LILRB2: variants seen among roughly 807,000 people sequenced by gnomAD.
The protein encoded by LILRB2 is leukocyte immunoglobulin-like receptor subfamily B member 2.
A neutral mutation model predicts 72.7 loss-of-function variants in LILRB2; 47 were observed. That is an observed-to-expected ratio of 0.65 (90% CI 0.51 to 0.82). The LOEUF (loss-of-function observed/expected upper bound fraction) is 0.82, where lower values mean the gene tolerates loss of function less well. Among genes scored for constraint, LILRB2 ranks in the 40% least tolerant of loss-of-function variants. The pLI is 0.00. For missense variants in LILRB2, 767 were observed against 764.8 expected, an observed-to-expected ratio of 1.00 and a Z score of -0.03; for synonymous variants, 279 against 313.7, an observed-to-expected ratio of 0.89 and a Z score of 1.17.
chr19:54,276,637 A>G, intron 10 of LILRB2, 170 bp downstream of exon 10: 4 of 1,435,864 alleles, frequency 2.8e-6, no homozygotes, highest in Non-Finnish European at 2.8e-6. Context: ...AGCCCGGAGG[A>G]CACTTTATAT....
In LILRB2 at chr19:54,279,660, G is replaced by T. The variant is rs374446910; in HGVS notation, c.356-13C>A. ...TTTGGGTAGGCTCCTAGGAGAGAAG[G>T]AGGCATCGTGTTAAATGGGGCTCCC... On this transcript the variant is annotated splice_polypyrimidine_tract_variant and intron_variant, in intron 4 of 13. Coordinates refer to ENST00000314446, the MANE Select transcript of LILRB2 (RefSeq NM_001080978.4). 18 of 1,602,170 alleles carry T rather than the reference G, an allele frequency of 1.1e-5. No homozygotes were observed. In the African/African-American group the frequency reaches 1.5e-4, roughly 13 times the overall value.
intron 12 of LILRB2, 90 bp downstream of exon 12, chr19:54,276,174 C>T (rs1367761876): frequency 1.9e-6 from 3 of 1,597,206 alleles, no homozygotes; most frequent in African/African-American, 1.3e-5. Context: ...AGCCCCAGAC[C>T]CTTTCCAGCC....
intron 12 of LILRB2, 27 bp downstream of exon 12, chr19:54,276,237 G>A (rs2080215991): frequency 1.2e-6 from 2 of 1,613,828 alleles, no homozygotes; most frequent in Admixed American, 1.7e-5. Context: ...TCTCCCTCCT[G>A]GCTGGTCACC....
intron 13 of LILRB2, chr19:54,275,179 A>C: frequency 7.0e-7 from 1 of 1,436,040 alleles, no homozygotes; most frequent in Non-Finnish European, 9.5e-7. Context: ...ATGGAATCTC[A>C]GGGACGCCCT....
chr19:54,279,172 T>A, intron 5 of LILRB2, 64 bp from the exon 6 acceptor site: 1 of 1,572,424 alleles, frequency 6.4e-7, no homozygotes, highest in Non-Finnish European at 8.6e-7. Context: ...ACCCTCCCTC[T>A]CCCCCGGTGC....
intron 7 of LILRB2, 88 bp downstream of exon 7, chr19:54,278,172 C>T: frequency 1.3e-6 from 2 of 1,549,302 alleles, no homozygotes; most frequent in South Asian, 2.4e-5. Flanking sequence ...CAGACCCCCG[C>T]TCACTCCATC....
At position 54,278,255 on chromosome 19, in the gene LILRB2, C is replaced by T; in HGVS notation, c.1258+5G>A. On this transcript the variant is annotated splice_donor_5th_base_variant and intron_variant, in intron 7 of 13. Coordinates refer to ENST00000314446, the MANE Select transcript of LILRB2 (RefSeq NM_001080978.4). ...GCTCAGAGAGGACAGGGTCAAGGCC[C>T]CCACCTGAGACCACGAGCTCCAGGG... 2 of 1,614,128 alleles carry T rather than the reference C, an allele frequency of 1.2e-6. No homozygotes were observed. Among genetic ancestry groups the T allele is most frequent in the Non-Finnish European group, 1.7e-6 (2 of 1,179,992 alleles).
Position 54,274,480 on chromosome 19 carries a change from G to T in LILRB2, c.*203C>A. ...TAACTCATTGATTATTGAGAAGTCT[G>T]TTGCTTTAATTAAAAAATGTAGGGA... On this transcript the variant is annotated 3_prime_UTR_variant, in exon 14 of 14. Coordinates refer to ENST00000314446, the MANE Select transcript of LILRB2 (RefSeq NM_001080978.4). 1 of 955,144 alleles carries T rather than the reference G, an allele frequency of 1.0e-6. No homozygotes were observed. Among genetic ancestry groups the T allele is most frequent in the Non-Finnish European group, 1.5e-6 (1 of 660,842 alleles). The allele number at this position is 955,144 out of a possible 1,614,324, so 59.2% of individuals were successfully genotyped here. A position where few individuals can be genotyped will look rare whatever the true frequency, so the allele number is the denominator to read the frequency against.
At position 54,280,498 on chromosome 19, in the gene LILRB2, G is replaced by T; in HGVS notation, c.-2C>A. ...CAGGACTGTGACGATGGGGGTCATG[G>T]CGTCTCCTCCCACTGCCCTGCTCTG... On this transcript the variant is annotated 5_prime_UTR_variant, in exon 2 of 14. Transcript: ENST00000314446. 4.3e-6 allele frequency: 7 copies of T among 1,613,858 alleles called. No individual in the cohort carries two copies. Among genetic ancestry groups the T allele is most frequent in the Non-Finnish European group, 4.2e-6 (5 of 1,179,938 alleles).
rs1171951890 is a variant in LILRB2 at position 54,276,930 on chromosome 19, C to G, written c.1358-1G>C. On this transcript the variant is annotated splice_acceptor_variant, in intron 9 of 13. Transcript: ENST00000314446. LOFTEE classifies it high-confidence loss of function. ...ACAACCCCCAGGTGCCTTCCCAGAC[C>G]TTGAGCACGATGATGTCAGGGATGG... 6.2e-7 allele frequency: 1 copy of G among 1,613,380 alleles called. No homozygotes were observed.
rs778306098 is a variant in LILRB2, at chr19:54,278,522, G to A, written c.996C>T (p.Gly332=). The change falls in exon 7 of 14, where the codon GGC becomes GGT. Residue 332 remains glycine (G), a synonymous_variant. Transcript: ENST00000314446. The part of the protein sequence containing the change: ...RGTPFISVQP[G]PTVASGENVT... ...CGTTCTCTCCTGAGGCCACTGTGGG[G>A]CCTGGCTGCACTGAGATGAAGGGTG... 1.2e-6 allele frequency: 2 copies of A among 1,614,132 alleles called. No individual in the cohort carries two copies. Among genetic ancestry groups the A allele is most frequent in the African/African-American group, 1.3e-5 (1 of 74,948 alleles).
chr19:54,277,994 C>T (rs1328141731), intron 7 of LILRB2, 55 bp from the exon 8 acceptor site: 1 of 1,352,352 alleles, frequency 7.4e-7, no homozygotes, highest in Non-Finnish European at 9.9e-7. Context: ...GAAGTCTCCA[C>T]CTCAAACCAA....
intron 7 of LILRB2, 135 bp downstream of exon 7, chr19:54,278,125 C>T (rs1314173524): frequency 7.7e-7 from 1 of 1,295,196 alleles, no homozygotes; most frequent in African/African-American, 1.5e-5. Context: ...GTCCTCCTTC[C>T]CTCTGAGGGT....
chr19:54,279,079 G>T lies in LILRB2; in HGVS notation c.688C>A (p.Gln230Lys). ...CCAGGGGCCATGACAGGACCCGGCT[G>T]CACTGAGAGTGATGGCTTCTTAGAA... is the stretch of plus-strand genomic sequence containing the variant. ...GVSKKPSLSVQPGPVMAPGES... is the reference protein window; with the variant it reads ...GVSKKPSLSVKPGPVMAPGES... Residue 230 changes from glutamine (Q) to lysine (K), a missense_variant, in exon 6 of 14, where the codon CAG becomes AAG. Coordinates refer to ENST00000314446, the MANE Select transcript of LILRB2 (RefSeq NM_001080978.4). 1 of 1,614,042 alleles carries T rather than the reference G, an allele frequency of 6.2e-7. No homozygotes were observed. The highest frequency in any genetic ancestry group is 8.5e-7 in the Non-Finnish European group (1 of 1,179,900).
rs366337 is a variant in LILRB2, at chr19:54,280,068, G to T, written c.78C>A (p.Ile26=). 1.2e-6 allele frequency: 2 copies of T among 1,613,818 alleles called. No individual in the cohort carries two copies. The highest frequency in any genetic ancestry group is 2.2e-5 in the South Asian group (2 of 91,082). Residue 26 remains isoleucine (I), a synonymous_variant, in exon 4 of 14, where the codon ATC becomes ATA. Transcript: ENST00000314446. The part of the protein sequence containing the change: ...GPRTRVQTGT[I]PKPTLWAEPD... The stretch of plus-strand genomic sequence containing the variant: ...GCTCAGCCCACAGGGTGGGCTTGGG[G>T]ATGGTCCCTGGAAGGAAATCAAAGG...
chr19:54,277,230 C>T (rs1196136181), intron 9 of LILRB2: 3 of 1,537,058 alleles, frequency 2.0e-6, no homozygotes, highest in African/African-American at 1.4e-5. Context: ...GCCTTACCGT[C>T]CTGAACCACG....
At chr19:54,277,758 T>C in intron 8 of LILRB2, 131 bp downstream of exon 8, 1 of 1,312,120 alleles carries the variant, frequency 7.6e-7, no homozygotes, top group Non-Finnish European at 1.1e-6. Context: ...TGGCCCCTCC[T>C]CTGGCTCTGC....
At chr19:54,280,238 C>A (rs766780041) in intron 3 of LILRB2, 26 bp downstream of exon 3, 24 of 1,613,764 alleles carry the variant, frequency 1.5e-5, no homozygotes, top group East Asian at 2.2e-5. Flanking sequence ...GGAGGAGGGA[C>A]CTGGGAGAGC....
chr19:54,276,549 C>G, intron 10 of LILRB2, 93 bp from the exon 11 acceptor site: 1 of 1,375,772 alleles, frequency 7.3e-7, no homozygotes, highest in Non-Finnish European at 9.8e-7. Context: ...AACCTAAAAA[C>G]ACTCCTGCCT....
Sources: gnomAD v4.1 joint callset for allele counts on GRCh38, gnomAD v4.1.1 for gene constraint, MANE v1.5 for transcripts, NCBI Gene and HGNC (gene_info 2026-07-23, HGNC 2026-07-21) for gene names.